Variants in KRT14 observed in about 807,000 individuals in gnomAD.
KRT14 encodes the protein keratin 14.
Under a neutral mutation model 44.5 loss-of-function variants are expected in KRT14, and 30 were observed. The ratio of observed to expected loss-of-function variants is 0.67; its 90% confidence interval spans 0.50 to 0.92. The LOEUF (loss-of-function observed/expected upper bound fraction) is 0.92. Among genes scored for constraint, KRT14 ranks in the 40% least tolerant of loss-of-function variants. KRT14 has a pLI of 0.00. For missense variants in KRT14, 535 were observed against 640.6 expected, an observed-to-expected ratio of 0.84 and a Z score of 1.78; for synonymous variants, 241 against 257.6, an observed-to-expected ratio of 0.94 and a Z score of 0.62.
At chr17:41,583,519 G>C (rs1488959946) in intron 5 of KRT14, 32 bp downstream of exon 5, 1 of 1,614,162 alleles carries the variant, frequency 6.2e-7, no homozygotes, top group African/African-American at 1.3e-5. Flanking sequence ...TGCCAGTCCT[G>C]GGTGCACCAC....
chr17:41,583,595 T>C lies in KRT14; in HGVS notation c.1009A>G (p.Thr337Ala), dbSNP rs1454078077. The C allele has an allele frequency of 1.9e-6, 3 of 1,614,216 alleles. No individual in the cohort carries two copies. The highest frequency in any genetic ancestry group is 2.5e-6 in the Non-Finnish European group (3 of 1,180,034). The change falls in exon 5 of 8, where the codon ACC becomes GCC. Residue 337 changes from threonine (T) to alanine (A), a missense_variant. Physicochemically the swap from Thr to Ala is moderately conservative, Grantham distance 58 (BLOSUM62 0). Coordinates refer to ENST00000167586, the MANE Select transcript of KRT14 (RefSeq NM_000526.5). ...GKSEISELRR[T>A]MQNLEIELQS... ...AGCTCAATCTCCAGGTTCTGCATGGTGCGCCGGAGCTCCGAGATCTCGCTC... is the reference window on the plus strand; with the variant it reads ...AGCTCAATCTCCAGGTTCTGCATGGCGCGCCGGAGCTCCGAGATCTCGCTC...
intron 7 of KRT14, chr17:41,582,843 G>C: frequency 4.9e-6 from 3 of 606,410 alleles, no homozygotes; most frequent in South Asian, 2.0e-5. Flanking sequence ...GTAGGGCCCT[G>C]TTCATGGTGC....
Position 41,586,619 on chromosome 17 carries a change from G to A in KRT14, c.216C>T (p.Gly72=). The A allele has an allele frequency of 6.2e-7, 1 of 1,609,856 alleles. No homozygotes were observed. The highest frequency in any genetic ancestry group is 8.5e-7 in the Non-Finnish European group (1 of 1,177,736). Residue 72 remains glycine, a synonymous_variant, in exon 1 of 8, where the codon GGC becomes GGT. Transcript: ENST00000167586. ...CAAAGCTGCTGCTGCTGCTGCTGAAGCCACCGCCATAGCCGCCCCCCAGCC... is the reference window on the plus strand; with the variant it reads ...CAAAGCTGCTGCTGCTGCTGCTGAAACCACCGCCATAGCCGCCCCCCAGCC... ...ACGLGGGYGG[G]FSSSSSSFGS...
chr17:41,582,615 G>A, intron 7 of KRT14, 83 bp from the exon 8 acceptor site: 1 of 1,168,538 alleles, frequency 8.6e-7, no homozygotes, highest in Non-Finnish European at 1.3e-6. Flanking sequence ...AGAAGGTGAG[G>A]AAACTCAAAC....
In KRT14 at chr17:41,586,850, G is replaced by C. The variant is rs1044836128; in HGVS notation, c.-16C>G. ...AGGTGGTCATGGTGCAGAGGAGGGA[G>C]GTGAGCGAGCGAGCAGTTGGCTGAG... On this transcript the variant is annotated 5_prime_UTR_variant, in exon 1 of 8. Coordinates refer to ENST00000167586, the MANE Select transcript of KRT14 (RefSeq NM_000526.5). 6.4e-7 allele frequency: 1 copy of C among 1,574,452 alleles called. No homozygotes were observed. The highest frequency in any genetic ancestry group is 1.3e-5 in the African/African-American group (1 of 74,076).
intron 6 of KRT14, 37 bp from the exon 7 acceptor site, chr17:41,583,177 T>C (rs1220154509): frequency 1.9e-6 from 3 of 1,605,448 alleles, no homozygotes; most frequent in African/African-American, 1.4e-5. Context: ...ATTAGATACA[T>C]GGTGGGGCCG....
In KRT14 at chr17:41,586,728, G is replaced by A; in HGVS notation, c.107C>T (p.Ala36Val). The A allele has an allele frequency of 1.3e-6, 2 of 1,587,946 alleles. No individual in the cohort carries two copies. The highest frequency in any genetic ancestry group is 1.7e-6 in the Non-Finnish European group (2 of 1,167,980). The change falls in exon 1 of 8, where the codon GCC (alanine) becomes GTC (valine). Residue 36 changes from alanine to valine, a missense_variant. By Grantham distance (64) the Ala-to-Val change is moderately conservative. Coordinates refer to ENST00000167586, the MANE Select transcript of KRT14 (RefSeq NM_000526.5). Reference protein sequence around the residue: ...GGSSRISSVLAGGSCRAPSTY... With the variant: ...GGSSRISSVLVGGSCRAPSTY... ...GCTGGGGGCGCGGCAGGACCCTCCG[G>A]CCAGGACGGAGGAGATGCGGCTGGA...
rs1187064523 is a variant in KRT14, at chr17:41,584,960, C to G, written c.608+15G>C. On this transcript the variant is annotated intron_variant, in intron 2 of 7. Coordinates refer to ENST00000167586, the MANE Select transcript of KRT14 (RefSeq NM_000526.5). ...TGGGGACACTGGATGTTCTGGCCCACCATTTCAAACTCACTTGGTGCGGAA... is the reference window on the plus strand; with the variant it reads ...TGGGGACACTGGATGTTCTGGCCCAGCATTTCAAACTCACTTGGTGCGGAA... The G allele has an allele frequency of 6.2e-7, 1 of 1,607,316 alleles. No homozygotes were observed. The highest frequency in any genetic ancestry group is 8.5e-7 in the Non-Finnish European group (1 of 1,173,894).
rs752996344 is a variant in KRT14, at chr17:41,583,670, C to T, written c.934G>A (p.Glu312Lys). ...AEEWFFTKTE[E>K]LNREVATNSE... ...TTGGTGGCCACCTCGCGGTTCAGCTCCTCTGTCTGCAAAAAAGAGAATGCC... is the reference window on the plus strand; with the variant it reads ...TTGGTGGCCACCTCGCGGTTCAGCTTCTCTGTCTGCAAAAAAGAGAATGCC... The change falls in exon 5 of 8, where the codon GAG (glutamate) becomes AAG (lysine). Residue 312 changes from glutamate to lysine, a missense_variant. Coordinates refer to ENST00000167586, the MANE Select transcript of KRT14 (RefSeq NM_000526.5). The T allele has an allele frequency of 1.2e-6, 2 of 1,614,096 alleles. No individual in the cohort carries two copies. Among genetic ancestry groups the T allele is most frequent in the Non-Finnish European group, 8.5e-7 (1 of 1,180,038 alleles).
rs755614247 is a variant in KRT14 at position 41,582,468 on chromosome 17, G to C, written c.1386C>G (p.Ser462=). The stretch of plus-strand genomic sequence containing the variant: ...TGGTGCGAAGGACCTGCTCGTGGGT[G>C]GACACCACCTTGCCATCGTGCACAT... The part of the protein sequence containing the change: ...VMDVHDGKVV[S]THEQVLRTKN The change falls in exon 8 of 8, where the codon TCC becomes TCG. Residue 462 remains serine (S), a synonymous_variant. Coordinates refer to ENST00000167586, the MANE Select transcript of KRT14 (RefSeq NM_000526.5). 5 of 1,572,022 alleles carry C rather than the reference G, an allele frequency of 3.2e-6. No homozygotes were observed. The highest frequency in any genetic ancestry group is 4.3e-6 in the Non-Finnish European group (5 of 1,158,680).
rs1226866182 is a variant in KRT14 at position 41,586,870 on chromosome 17, G to A, written c.-36C>T. On this transcript the variant is annotated 5_prime_UTR_variant, in exon 1 of 8. Coordinates refer to ENST00000167586, the MANE Select transcript of KRT14 (RefSeq NM_000526.5). The stretch of plus-strand genomic sequence containing the variant: ...AGGGAGGTGAGCGAGCGAGCAGTTG[G>A]CTGAGTGAAGAGAAGGTGCTCGGGT... 6.4e-7 allele frequency: 1 copy of A among 1,552,010 alleles called. No homozygotes were observed. Among genetic ancestry groups the A allele is most frequent in the South Asian group, 1.2e-5 (1 of 85,050 alleles).
chr17:41,582,585 A>G (rs1907372340), intron 7 of KRT14, 53 bp from the exon 8 acceptor site: 1 of 1,425,378 alleles, frequency 7.0e-7, no homozygotes, highest in Non-Finnish European at 9.7e-7. Context: ...ACAATGGACT[A>G]ATCAGGAGTA....
chr17:41,584,114 T>G lies in KRT14; in HGVS notation c.765+143A>C. On this transcript the variant is annotated intron_variant, in intron 3 of 7. Transcript: ENST00000167586. ...TTTTTTTTTTGGACAGGGTCTAGCC[T>G]TGTTGCCCAGGCTGGACTCAAACTC... The G allele has an allele frequency of 4.7e-6, 4 of 850,362 alleles. No homozygotes were observed. In the South Asian group the frequency reaches 5.4e-5, roughly 12 times the overall value. 52.7% of individuals were successfully genotyped at this position (850,362 alleles called of 1,614,324 possible).
At position 41,583,185 on chromosome 17, in the gene KRT14, C is replaced by T. The variant is rs374916825; in HGVS notation, c.1275-45G>A. ...CAGGATCATTAGATACATGGTGGGG[C>T]CGTGAGAGTGCCATGGGGGGGGCGG... On this transcript the variant is annotated intron_variant, in intron 6 of 7. Transcript: ENST00000167586. The T allele has an allele frequency of 6.2e-6, 10 of 1,612,294 alleles. No homozygotes were observed. In the African/African-American group the frequency reaches 1.2e-4, roughly 20 times the overall value.
At chr17:41,585,461 A>T (rs953699202) in intron 1 of KRT14, among the ~76,000 whole-genome samples, 1 of 152,184 alleles carries the variant, frequency 6.6e-6, no homozygotes, top group African/African-American at 2.4e-5. Context: ...TCCTCTGCAG[A>T]TATGCACATT....
At chr17:41,582,982 G>A in intron 7 of KRT14, 112 bp downstream of exon 7, 1 of 1,045,450 alleles carries the variant, frequency 9.6e-7, no homozygotes, top group Non-Finnish European at 1.5e-6. Context: ...AAGGGAAACT[G>A]GGTGACAGCA....
Position 41,583,756 on chromosome 17 carries a change from C to A in KRT14, c.927+4G>T. ...GGGTTCCTTCCACCTCAAATGACAC[C>A]CACCTTGGTGAAGAACCATTCCTCG... On this transcript the variant is annotated splice_donor_region_variant and intron_variant, in intron 4 of 7. Coordinates refer to ENST00000167586, the MANE Select transcript of KRT14 (RefSeq NM_000526.5). 6.2e-7 allele frequency: 1 copy of A among 1,614,238 alleles called. No homozygotes were observed. Among genetic ancestry groups the A allele is most frequent in the Non-Finnish European group, 8.5e-7 (1 of 1,180,050 alleles).
Position 41,583,637 on chromosome 17 carries a change from G to A in KRT14, c.967C>T (p.Leu323=). ...LNREVATNSE[L]VQSGKSEISE... ...ATCTCGCTCTTGCCGCTCTGCACCA[G>A]CTCGCTGTTGGTGGCCACCTCGCGG... is the stretch of plus-strand genomic sequence containing the variant. The change falls in exon 5 of 8, where the codon CTG becomes TTG. Residue 323 remains leucine, a synonymous_variant. Coordinates refer to ENST00000167586, the MANE Select transcript of KRT14 (RefSeq NM_000526.5). 6.2e-7 allele frequency: 1 copy of A among 1,614,192 alleles called. No homozygotes were observed. Among genetic ancestry groups the A allele is most frequent in the South Asian group, 1.1e-5 (1 of 91,088 alleles).
rs375579213 is a variant in KRT14, at chr17:41,582,531, C to G, written c.1323G>C (p.Val441=). ...FSSGSQSSRD[V]TSSSRQIRTK... is the part of the protein sequence containing the mutation. ...TGCGGATTTGGCGGCTGGAGGAGGTCACTGGGGAAGAGGTGGGAAGAGGAC... is the reference window on the plus strand; with the variant it reads ...TGCGGATTTGGCGGCTGGAGGAGGTGACTGGGGAAGAGGTGGGAAGAGGAC... Residue 441 remains valine (V), a splice_region_variant and synonymous_variant, in exon 8 of 8, where the codon GTG becomes GTC. Transcript: ENST00000167586. 1.3e-5 allele frequency: 20 copies of G among 1,560,930 alleles called. No individual in the cohort carries two copies. The highest frequency in any genetic ancestry group is 1.7e-5 in the Non-Finnish European group (20 of 1,152,340).
Sources: allele counts gnomAD v4.1 joint callset (sites outside exome capture counted in the v4.1 genomes callset), GRCh38; gene constraint gnomAD v4.1.1; transcripts MANE v1.5; gene names NCBI Gene and HGNC (gene_info 2026-07-23, HGNC 2026-07-21).